CAPN8: variants seen among roughly 807,000 people sequenced by gnomAD.
The protein encoded by CAPN8 is calpain-8.
A neutral mutation model predicts 80.9 loss-of-function variants in CAPN8; 87 were observed. The observed-to-expected ratio is 1.07, with a 90% CI of 0.90 to 1.28. The LOEUF (loss-of-function observed/expected upper bound fraction) is 1.28, where lower values mean the gene tolerates loss of function less well. Among genes scored for constraint, CAPN8 ranks in the 50% most tolerant of loss-of-function variants. The pLI, the probability that CAPN8 is intolerant of heterozygous loss-of-function variation, is 0.00. For synonymous variants in CAPN8, 299 were observed against 273.8 expected, an observed-to-expected ratio of 1.09 and a Z score of -0.91; for missense variants, 757 against 702.0, an observed-to-expected ratio of 1.08 and a Z score of -0.89.
intron 1 of CAPN8, among the ~76,000 whole-genome samples, chr1:223,655,951 C>G (rs4653876): frequency 0.084 from 12,845 of 152,060 alleles, 1,250 homozygotes; most frequent in African/African-American, 0.23. Context: ...ATTCTTACTT[C>G]ATAGAGGTGA....
In CAPN8 at chr1:223,545,307, C is replaced by T. The variant is rs566314619; in HGVS notation, c.1765-8G>A. ...AGTGCCCGTTCCATTGCTCTAGGCA[C>T]ATTAAAGACCAACATGATTGAGTCC... On this transcript the variant is annotated splice_polypyrimidine_tract_variant and splice_region_variant and intron_variant, in intron 16 of 20. Transcript: ENST00000366872. The T allele has an allele frequency of 1.0e-5, 16 of 1,551,422 alleles. No homozygotes were observed. The East Asian group carries it at 2.9e-4, about 28-fold the overall frequency.
chr1:223,644,480 A>G (rs1658132909), intron 2 of CAPN8: 1 of 160,094 alleles, frequency 6.2e-6, no homozygotes, highest in Admixed American at 6.5e-5. Context: ...CTGAGCATTC[A>G]TTCTGTGCCA....
chr1:223,657,395 TTG>T (rs1274028193), intron 1 of CAPN8, among the ~76,000 whole-genome samples: 1 of 133,502 alleles, frequency 7.5e-6, no homozygotes, highest in African/African-American at 2.7e-5. Context: ...AAGGAAAATG[TTG>T]TGTCGTCAAG....
chr1:223,640,045 T>C (rs912940100), intron 2 of CAPN8, among the ~76,000 whole-genome samples: 2 of 152,178 alleles, frequency 1.3e-5, no homozygotes, highest in African/African-American at 4.8e-5. Flanking sequence ...CCTGTCAACC[T>C]ACACATAGCT....
intron 9 of CAPN8, chr1:223,617,309 T>G (rs1657224178): frequency 7.8e-6 from 1 of 128,060 alleles, no homozygotes; most frequent in African/African-American, 3.1e-5. Flanking sequence ...TTTTGTTTTG[T>G]TTTGTTTTTT....
chr1:223,652,815 G>A lies in CAPN8; in HGVS notation c.307+1515C>T, dbSNP rs116280472. On this transcript the variant is annotated intron_variant, in intron 2 of 20. Coordinates refer to ENST00000366872, the MANE Select transcript of CAPN8 (RefSeq NM_001143962.2). ...GGGCAGCCACCACAGAGGCTGCTGC[G>A]TTTGTTCTGATGTGAGCTGGATTCG... Among the ~76,000 whole-genome samples the A allele has an allele frequency of 1.4e-3, 206 of 152,178 alleles. 1 individual carries two copies. Among genetic ancestry groups the A allele is most frequent in the African/African-American group, 4.8e-3 (201 of 41,538 alleles).
At chr1:223,664,447 A>C (rs944652615) in intron 1 of CAPN8, among the ~76,000 whole-genome samples, 6 of 152,222 alleles carry the variant, frequency 3.9e-5, no homozygotes, top group African/African-American at 1.4e-4. Context: ...TCTGGGCACT[A>C]TGCTCTGAGA....
At chr1:223,638,360 GGT>G (rs34370642) in intron 2 of CAPN8, among the ~76,000 whole-genome samples, 1 of 150,644 alleles carries the variant, frequency 6.6e-6, no homozygotes, top group Non-Finnish European at 1.5e-5. Flanking sequence ...GACTGTATGG[GGT>G]GTGTGTGTGT....
chr1:223,656,668 G>GTTTTT lies in CAPN8; in HGVS notation c.238-2274_238-2270dup, dbSNP rs1331913444. Among the ~76,000 whole-genome samples, 426 of 94,708 alleles carry GTTTTT rather than the reference G, an allele frequency of 4.5e-3. 62 individuals carry two copies. Among genetic ancestry groups the GTTTTT allele is most frequent in the Middle Eastern group, 0.014 (2 of 146 alleles). The allele number at this position is 94,708 out of a possible 152,430, so 62.1% of individuals were successfully genotyped here. On this transcript the variant is annotated intron_variant, in intron 1 of 20. Transcript: ENST00000366872. ...ATTTATGTACATACACACGTTTTGG[G>GTTTTT]TTTTTTTGTTTTGTTTTTTTTTTTT...
intron 1 of CAPN8, among the ~76,000 whole-genome samples, chr1:223,661,928 T>C (rs1408757776): frequency 2.0e-5 from 3 of 152,060 alleles, no homozygotes; most frequent in African/African-American, 4.8e-5. Flanking sequence ...AGACCAACAA[T>C]GGACAAATGA....
At position 223,553,906 on chromosome 1, in the gene CAPN8, A is replaced by C. The variant is rs1355490676; in HGVS notation, c.1573-6T>G. ...TCCACCTCACTGGGATGTGGCTAAA[A>C]AGAAGGACATTTGCAAAGTTAAAAT... On this transcript the variant is annotated splice_polypyrimidine_tract_variant and splice_region_variant and intron_variant, in intron 13 of 20. Transcript: ENST00000366872. 7.8e-5 allele frequency: 31 copies of C among 398,526 alleles called. 1 individual carries two copies. Among genetic ancestry groups the C allele is most frequent in the Non-Finnish European group, 1.3e-4 (30 of 226,082 alleles). The allele number at this position is 398,526 out of a possible 1,614,324, so 24.7% of individuals were successfully genotyped here.
chr1:223,543,271 C>T, intron 19 of CAPN8, 105 bp from the exon 20 acceptor site: 2 of 1,327,160 alleles, frequency 1.5e-6, no homozygotes, highest in Non-Finnish European at 2.1e-6. Context: ...CGGAACTCTC[C>T]TTTCCCCTAC....
intron 2 of CAPN8, among the ~76,000 whole-genome samples, chr1:223,649,024 T>C (rs1225404896): frequency 6.6e-6 from 1 of 152,178 alleles, no homozygotes; most frequent in Non-Finnish European, 1.5e-5. Context: ...GTAGCATGTG[T>C]TATTCAAAAA....
chr1:223,611,338 C>T (rs1192830483), intron 11 of CAPN8, among the ~76,000 whole-genome samples: 1 of 152,234 alleles, frequency 6.6e-6, no homozygotes, highest in East Asian at 1.9e-4. Context: ...TTTACTGTTG[C>T]CTTGGCAACA....
chr1:223,557,760 T>C (rs1656938517), intron 13 of CAPN8, among the ~76,000 whole-genome samples: 7 of 152,228 alleles, frequency 4.6e-5, no homozygotes, highest in Admixed American at 4.6e-4. Context: ...TATACTTTCA[T>C]CATTTGTCCT....
intron 9 of CAPN8, among the ~76,000 whole-genome samples, chr1:223,618,722 G>T (rs769426758): frequency 1.3e-5 from 2 of 152,226 alleles, no homozygotes; most frequent in African/African-American, 2.4e-5. Context: ...TCCTTTGCGG[G>T]CAGGGCAGGT....
chr1:223,665,351 G>T, intron 1 of CAPN8, 59 bp downstream of exon 1: 3 of 1,380,800 alleles, frequency 2.2e-6, no homozygotes, highest in Non-Finnish European at 2.0e-6. Flanking sequence ...AGTTCCTCCT[G>T]ATCAGATGTA....
At position 223,626,969 on chromosome 1, in the gene CAPN8, A is replaced by T. The variant is rs61825208; in HGVS notation, c.729+20T>A. 853,696 of 1,545,386 alleles carry T rather than the reference A, an allele frequency of 0.55. 238,360 individuals carry two copies. The highest frequency in any genetic ancestry group is 0.65 in the African/African-American group (47,456 of 72,918). On this transcript the variant is annotated intron_variant, in intron 5 of 20. Coordinates refer to ENST00000366872, the MANE Select transcript of CAPN8 (RefSeq NM_001143962.2). ...TGGCGGTGGGGGGAGGTGGGGCAGT[A>T]GAGAAGCCATATGCCTCACATCAAT...
At chr1:223,637,198 C>G (rs1314351195) in intron 2 of CAPN8, among the ~76,000 whole-genome samples, 1 of 152,184 alleles carries the variant, frequency 6.6e-6, no homozygotes, top group Non-Finnish European at 1.5e-5. Context: ...AGATGCCAAC[C>G]CACTGTGACC....
Sources: gnomAD v4.1 joint callset for allele counts (sites outside exome capture counted in the v4.1 genomes callset) on GRCh38, gnomAD v4.1.1 for gene constraint, MANE v1.5 for transcripts, NCBI Gene and HGNC (gene_info 2026-07-23, HGNC 2026-07-21) for gene names.